RRBP1: variants seen among roughly 807,000 people sequenced by gnomAD.
RRBP1 encodes the protein ribosome-binding protein 1.
RRBP1 carries 94 observed loss-of-function variants against 165.2 expected under a neutral mutation model. The observed-to-expected ratio is 0.57, with a 90% CI of 0.48 to 0.68. The LOEUF is 0.68. Ranked by LOEUF, RRBP1 falls within the 30% of genes least tolerant of loss-of-function variation. RRBP1 has a pLI of 0.00. For missense variants in RRBP1, 1,676 were observed against 1,763.0 expected (o/e 0.95, Z 0.88); for synonymous variants, 680 against 714.5 (o/e 0.95, Z 0.77).
chr20:17,649,763 G>C (rs567490338), intron 3 of RRBP1, among the ~76,000 whole-genome samples: 2 of 152,120 alleles, frequency 1.3e-5, no homozygotes, highest in Non-Finnish European at 2.9e-5. Context: ...ACACGACTTG[G>C]GATTTTAGGT....
At chr20:17,617,159 G>C (rs2035817198) in intron 20 of RRBP1, among the ~76,000 whole-genome samples, 1 of 151,628 alleles carries the variant, frequency 6.6e-6, no homozygotes, top group African/African-American at 2.4e-5. Flanking sequence ...GAACCGGGGG[G>C]TGGCCGCCAC....
At chr20:17,615,752 G>A (rs1459344661) in intron 22 of RRBP1, among the ~76,000 whole-genome samples, 174 bp downstream of exon 22, 1 of 152,220 alleles carries the variant, frequency 6.6e-6, no homozygotes, top group Non-Finnish European at 1.5e-5. Flanking sequence ...CTCCCAAGGT[G>A]CCTCCAGCCT....
intron 5 of RRBP1, among the ~76,000 whole-genome samples, chr20:17,637,652 G>A (rs185974700): frequency 1.2e-4 from 18 of 152,312 alleles, no homozygotes; most frequent in Non-Finnish European, 2.4e-4. Flanking sequence ...TGTCCCAAAG[G>A]CCAGAGTGTC....
intron 2 of RRBP1, among the ~76,000 whole-genome samples, chr20:17,675,090 C>T (rs2037052175): frequency 6.6e-6 from 1 of 152,202 alleles, no homozygotes; most frequent in African/African-American, 2.4e-5. Context: ...ACTGAGGGCT[C>T]CCAGGAGAGA....
intron 2 of RRBP1, among the ~76,000 whole-genome samples, chr20:17,672,143 C>G (rs1203615660): frequency 6.6e-6 from 1 of 152,220 alleles, no homozygotes; most frequent in African/African-American, 2.4e-5. Context: ...GTGGGCAGAG[C>G]TTCTAATTAG....
chr20:17,614,037 T>TA lies in RRBP1; in HGVS notation c.*144dup, dbSNP rs2035742115. The TA allele has an allele frequency of 3.8e-6, 3 of 788,714 alleles. No homozygotes were observed. The highest frequency in any genetic ancestry group is 3.4e-5 in the African/African-American group (2 of 59,028). The allele number at this position is 788,714 out of a possible 1,614,324, so 48.9% of individuals were successfully genotyped here. ...TCTGGAAGGTCTACTTCTGTGGCTC[T>TA]AAGAGACTTGTCTCTCATGGCTTCT... On this transcript the variant is annotated 3_prime_UTR_variant, in exon 25 of 25. Transcript: ENST00000377813.
intron 5 of RRBP1, among the ~76,000 whole-genome samples, chr20:17,640,770 C>T (rs1182236600): frequency 1.3e-5 from 2 of 152,170 alleles, no homozygotes; most frequent in African/African-American, 4.8e-5. Flanking sequence ...TCTGGTCCTG[C>T]CCATCCCCCA....
intron 12 of RRBP1, among the ~76,000 whole-genome samples, chr20:17,625,201 A>G (rs527279202): frequency 1.3e-5 from 2 of 152,264 alleles, no homozygotes; most frequent in African/African-American, 4.8e-5. Flanking sequence ...TCCTGGGACC[A>G]GGATCCCCAC....
At chr20:17,626,558 T>C (rs1237070862) in intron 11 of RRBP1, among the ~76,000 whole-genome samples, 1 of 152,196 alleles carries the variant, frequency 6.6e-6, no homozygotes, top group African/African-American at 2.4e-5. Context: ...CTTTGTGAAC[T>C]GATGGCCTAG....
At chr20:17,680,280 T>A (rs1600197243) in intron 1 of RRBP1, among the ~76,000 whole-genome samples, 1 of 152,160 alleles carries the variant, frequency 6.6e-6, no homozygotes, top group East Asian at 1.9e-4. Flanking sequence ...CAGGGCGGGG[T>A]AACATTCGCA....
intron 15 of RRBP1, 68 bp downstream of exon 15, chr20:17,621,622 T>G (rs1940068700): frequency 1.3e-6 from 2 of 1,591,478 alleles, no homozygotes; most frequent in Admixed American, 3.4e-5. Flanking sequence ...TGAAATGACT[T>G]GGGGCAGCCC....
chr20:17,638,603 C>T lies in RRBP1; in HGVS notation c.2185-1874G>A, dbSNP rs148807112. 3.8e-3 allele frequency among the ~76,000 whole-genome samples: 578 copies of T among 152,286 alleles called. 2 individuals carry two copies. The highest frequency in any genetic ancestry group is 0.013 in the African/African-American group (552 of 41,564). On this transcript the variant is annotated intron_variant, in intron 5 of 24. Transcript: ENST00000377813. The stretch of plus-strand genomic sequence containing the variant: ...GTCCTCAGTGCAGCTGTTTAGCTCT[C>T]TATGGTTTCTTTTTCTTCAAAGAGC...
chr20:17,656,410 AT>A (rs1011024683), intron 3 of RRBP1, among the ~76,000 whole-genome samples: 1 of 151,590 alleles, frequency 6.6e-6, no homozygotes, highest in South Asian at 2.1e-4. Context: ...ACCCATATTC[AT>A]TTTTTTTCAA....
chr20:17,621,384 G>A (rs943516318), intron 16 of RRBP1, 74 bp downstream of exon 16: 40 of 1,169,946 alleles, frequency 3.4e-5, no homozygotes, highest in East Asian at 1.0e-4. Flanking sequence ...GCCACCTCCT[G>A]CCCCATAGGC....
intron 5 of RRBP1, 106 bp from the exon 6 acceptor site, chr20:17,636,835 A>G: frequency 2.2e-6 from 3 of 1,389,516 alleles, no homozygotes; most frequent in Non-Finnish European, 2.0e-6. Context: ...AGAGCAGAGC[A>G]CAGACCCCTC....
At chr20:17,658,520 G>T in intron 3 of RRBP1, 76 bp downstream of exon 3, 3 of 1,254,060 alleles carry the variant, frequency 2.4e-6, no homozygotes, top group Non-Finnish European at 3.3e-6. Flanking sequence ...GATACAGGTG[G>T]CACTCCCCGA....
At chr20:17,673,166 C>T (rs1275187880) in intron 2 of RRBP1, among the ~76,000 whole-genome samples, 2 of 152,168 alleles carry the variant, frequency 1.3e-5, no homozygotes, top group East Asian at 3.8e-4. Flanking sequence ...CCTTGGAAAA[C>T]GCGCCCCACA....
chr20:17,633,948 C>T (rs937069518), intron 7 of RRBP1, among the ~76,000 whole-genome samples: 14 of 152,236 alleles, frequency 9.2e-5, no homozygotes, highest in Middle Eastern at 3.2e-3. Flanking sequence ...TGAAGATCCA[C>T]CCGCCTTGAC....
rs753687133 is a variant in RRBP1, at chr20:17,641,842, C to T, written c.2139G>A (p.Gln713=). 3.1e-6 allele frequency: 5 copies of T among 1,613,998 alleles called. No individual in the cohort carries two copies. The highest frequency in any genetic ancestry group is 4.2e-6 in the Non-Finnish European group (5 of 1,180,020). ...TGCTCTTGGCGACAGCCGCATCTTC[C>T]TGTTCTGTGGCCAGCAGTTTTTCCT... ...EEKEKLLATE[Q]EDAAVAKSKL... The change falls in exon 5 of 25, where the codon CAG becomes CAA. Residue 713 remains glutamine, a synonymous_variant. Coordinates refer to ENST00000377813, the MANE Select transcript of RRBP1 (RefSeq NM_001365613.2).
Sources: allele counts gnomAD v4.1 joint callset (sites outside exome capture counted in the v4.1 genomes callset), GRCh38; gene constraint gnomAD v4.1.1; transcripts MANE v1.5; gene names NCBI Gene and HGNC (gene_info 2026-07-23, HGNC 2026-07-21).